The following RDH10 variants were observed in gnomAD, a reference collection of about 807,000 sequenced individuals.
RDH10 encodes the protein retinol dehydrogenase 10 (all-trans).
A neutral mutation model predicts 30.2 loss-of-function variants in RDH10; 12 were observed. The observed-to-expected ratio is 0.40, with a 90% CI of 0.25 to 0.64. The LOEUF (loss-of-function observed/expected upper bound fraction) is 0.64, where lower values mean the gene tolerates loss of function less well. Ranked by LOEUF, RDH10 falls within the 30% of genes least tolerant of loss-of-function variation. The probability of loss-of-function intolerance (pLI) is 0.43; values close to 1 mark genes in which losing one functional copy is unlikely to be tolerated. For synonymous variants in RDH10, 189 were observed against 172.2 expected (o/e 1.10, Z -0.76); for missense variants, 268 against 445.2 (o/e 0.60, Z 3.58).
At position 73,294,965 on chromosome 8, in the gene RDH10, G is replaced by A. The variant is rs1814227926; in HGVS notation, c.-325G>A. On this transcript the variant is annotated 5_prime_UTR_variant, in exon 1 of 6. Transcript: ENST00000240285. Reference sequence around the variant, plus strand: ...GGGCAGTTCGAGTAGTCTAACTCGCGGCTGTCACCGCCACTGCAGCGGAGC... The same window carrying A: ...GGGCAGTTCGAGTAGTCTAACTCGCAGCTGTCACCGCCACTGCAGCGGAGC... 1 of 391,126 alleles carries A rather than the reference G, an allele frequency of 2.6e-6. No homozygotes were observed. The highest frequency in any genetic ancestry group is 4.5e-6 in the Non-Finnish European group (1 of 221,280). 24.2% of individuals were successfully genotyped at this position (391,126 alleles called of 1,614,324 possible). A position where few individuals can be genotyped will look rare whatever the true frequency, so the allele number is the denominator to read the frequency against.
chr8:73,303,799 G>A (rs1814422406), intron 2 of RDH10, among the ~76,000 whole-genome samples: 1 of 152,072 alleles, frequency 6.6e-6, no homozygotes, highest in Non-Finnish European at 1.5e-5. Context: ...TACATTACAT[G>A]CTGGGCCCAA....
intron 2 of RDH10, chr8:73,297,948 CTTCGG>C: frequency 6.1e-6 from 1 of 162,850 alleles, no homozygotes; most frequent in Non-Finnish European, 1.4e-5. Context: ...TTGCAGGACG[CTTCGG>C]GACTCTCTCG....
intron 2 of RDH10, among the ~76,000 whole-genome samples, chr8:73,309,465 C>T (rs1443771382): frequency 6.6e-6 from 1 of 152,078 alleles, no homozygotes; most frequent in Non-Finnish European, 1.5e-5. Context: ...AATATTGTTC[C>T]TCTGTGAGGT....
chr8:73,302,868 G>A (rs774471591), intron 2 of RDH10, among the ~76,000 whole-genome samples: 1 of 152,074 alleles, frequency 6.6e-6, no homozygotes, highest in Admixed American at 6.5e-5. Context: ...CTTTTTAACC[G>A]AAGAGCTGCA....
chr8:73,296,159 T>A (rs958193906), intron 1 of RDH10, among the ~76,000 whole-genome samples: 1 of 152,180 alleles, frequency 6.6e-6, no homozygotes, highest in Admixed American at 6.5e-5. Context: ...GGATTTAGGC[T>A]TCGTTGTAAA....
intron 2 of RDH10, among the ~76,000 whole-genome samples, chr8:73,305,468 T>TA (rs1349073639): frequency 6.6e-6 from 1 of 152,232 alleles, no homozygotes; most frequent in Non-Finnish European, 1.5e-5. Flanking sequence ...TTTCAGAAAC[T>TA]AAAATTAAGC....
At chr8:73,315,126 TTC>T (rs1289715757) in intron 2 of RDH10, among the ~76,000 whole-genome samples, 36 of 149,982 alleles carry the variant, frequency 2.4e-4, no homozygotes, top group Non-Finnish European at 3.9e-4. Context: ...TCTCTCTCCC[TTC>T]CTCTCCCCAC....
chr8:73,318,233 T>G (rs1183811015), intron 2 of RDH10, among the ~76,000 whole-genome samples: 1 of 151,962 alleles, frequency 6.6e-6, no homozygotes, highest in Admixed American at 6.5e-5. Context: ...TTTTTTTTTT[T>G]GATACAGCCT....
At chr8:73,322,476 T>TC in intron 4 of RDH10, 2 of 505,848 alleles carry the variant, frequency 4.0e-6, no homozygotes, top group Non-Finnish European at 6.9e-6. Context: ...TGCTTTTTTT[T>TC]CCCAACTTGT....
chr8:73,323,497 C>T lies in RDH10; in HGVS notation c.*461C>T, dbSNP rs151144488. 1.3e-3 allele frequency: 213 copies of T among 158,828 alleles called. 2 individuals are homozygous for T. Among genetic ancestry groups the T allele is most frequent in the African/African-American group, 4.8e-3 (200 of 41,586 alleles). The allele number at this position is 158,828 out of a possible 1,614,324, so 9.8% of individuals were successfully genotyped here. A position where few individuals can be genotyped will look rare whatever the true frequency, so the allele number is the denominator to read the frequency against. On this transcript the variant is annotated 3_prime_UTR_variant, in exon 6 of 6. Coordinates refer to ENST00000240285, the MANE Select transcript of RDH10 (RefSeq NM_172037.5). ...TCACGTTTTCTAAGTTTCCGTTTTG[C>T]AAGGCCTAGGTGACTTTTTCATGGT...
rs148909180 is a variant in RDH10 at position 73,320,305 on chromosome 8, T to G, written c.625-627T>G. ...CCATTTTAACTTCAGCTTGTGAGCTTTCATAGAATCCTTTATGGTAACTTC... is the reference window on the plus strand; with the variant it reads ...CCATTTTAACTTCAGCTTGTGAGCTGTCATAGAATCCTTTATGGTAACTTC... On this transcript the variant is annotated intron_variant, in intron 3 of 5. Transcript: ENST00000240285. Among the ~76,000 whole-genome samples the G allele has an allele frequency of 2.0e-3, 305 of 152,356 alleles. 2 individuals are homozygous for G. The highest frequency in any genetic ancestry group is 7.1e-3 in the African/African-American group (296 of 41,594).
chr8:73,320,888 G>A, intron 3 of RDH10, 44 bp from the exon 4 acceptor site: 2 of 1,605,528 alleles, frequency 1.2e-6, no homozygotes, highest in South Asian at 1.1e-5. Flanking sequence ...TTGGAGATAG[G>A]GGCATATGCT....
chr8:73,297,893 A>G (rs757264565), intron 2 of RDH10: 1 of 186,424 alleles, frequency 5.4e-6, no homozygotes, highest in Non-Finnish European at 1.2e-5. Context: ...CCTGGCAGTT[A>G]CTTCGCATCT....
At chr8:73,305,193 T>C (rs1045900479) in intron 2 of RDH10, among the ~76,000 whole-genome samples, 4 of 152,254 alleles carry the variant, frequency 2.6e-5, no homozygotes, top group Admixed American at 6.5e-5. Flanking sequence ...TGTAGTTTAA[T>C]ACTTAACTGC....
intron 1 of RDH10, among the ~76,000 whole-genome samples, chr8:73,296,152 T>C (rs1814262719): frequency 6.6e-6 from 1 of 152,176 alleles, no homozygotes; most frequent in Admixed American, 6.5e-5. Flanking sequence ...TCTTGGAGGA[T>C]TTAGGCTTCG....
intron 2 of RDH10, among the ~76,000 whole-genome samples, chr8:73,305,153 T>C (rs562456891): frequency 7.2e-5 from 11 of 152,348 alleles, no homozygotes; most frequent in Non-Finnish European, 1.3e-4. Flanking sequence ...CCCTTAGCCA[T>C]TCATTGCAGG....
intron 4 of RDH10, 148 bp downstream of exon 4, chr8:73,321,225 G>A (rs891152362): frequency 1.3e-6 from 1 of 773,586 alleles, no homozygotes; most frequent in East Asian, 2.7e-5. Flanking sequence ...TGTAAAATTG[G>A]TGTATAAGAT....
Position 73,295,187 on chromosome 8 carries a change from C to T in RDH10, c.-103C>T. The T allele has an allele frequency of 2.5e-6, 3 of 1,182,418 alleles. No homozygotes were observed. The highest frequency in any genetic ancestry group is 1.7e-5 in the South Asian group (1 of 59,756). 73.2% of individuals were successfully genotyped at this position (1,182,418 alleles called of 1,614,324 possible). A position where few individuals can be genotyped will look rare whatever the true frequency, so the allele number is the denominator to read the frequency against. On this transcript the variant is annotated 5_prime_UTR_variant, in exon 1 of 6. Transcript: ENST00000240285. Reference sequence around the variant, plus strand: ...CGGGCGCGGGGCGCAGCCTTCTCGTCCCGGCCTCTGTGACAAGCGCCCCGG... The same window carrying T: ...CGGGCGCGGGGCGCAGCCTTCTCGTTCCGGCCTCTGTGACAAGCGCCCCGG...
At chr8:73,317,895 G>A (rs1814700749) in intron 2 of RDH10, among the ~76,000 whole-genome samples, 1 of 151,850 alleles carries the variant, frequency 6.6e-6, no homozygotes, top group Admixed American at 6.6e-5. Context: ...ACTCCAACCT[G>A]GGCAACACCG....
Sources: gnomAD v4.1 joint callset for allele counts (sites outside exome capture counted in the v4.1 genomes callset) on GRCh38, gnomAD v4.1.1 for gene constraint, MANE v1.5 for transcripts, NCBI Gene and HGNC (gene_info 2026-07-23, HGNC 2026-07-21) for gene names.